The following CD2AP variants were observed in gnomAD, a reference collection of about 807,000 sequenced individuals.
CD2AP encodes the protein CD2 associated protein, also known as CD2-associated protein.
In CD2AP, 46 loss-of-function variants were observed where a neutral mutation model predicts 85.1. That is an observed-to-expected ratio of 0.54 (90% confidence interval 0.43 to 0.69). The LOEUF (loss-of-function observed/expected upper bound fraction) is 0.69. Ranked by LOEUF, CD2AP falls within the 30% of genes least tolerant of loss-of-function variation. CD2AP has a pLI of 0.00. For synonymous variants in CD2AP, 255 were observed against 252.9 expected (o/e 1.01, Z -0.08); for missense variants, 769 against 729.5 (o/e 1.05, Z -0.62).
intron 2 of CD2AP, among the ~76,000 whole-genome samples, chr6:47,523,639 CTTGAG>C (rs1766650714): frequency 6.6e-6 from 1 of 152,026 alleles, no homozygotes; most frequent in South Asian, 2.1e-4. Context: ...CATTCTGTGA[CTTGAG>C]TTATTTTAGA....
chr6:47,593,495 A>G (rs1461814813), intron 11 of CD2AP, among the ~76,000 whole-genome samples: 2 of 152,126 alleles, frequency 1.3e-5, no homozygotes, highest in African/African-American at 4.8e-5. Flanking sequence ...CTTGTTATAT[A>G]AGCACTTGAA....
intron 16 of CD2AP, among the ~76,000 whole-genome samples, chr6:47,610,081 C>T (rs1289121503): frequency 6.6e-6 from 1 of 151,936 alleles, no homozygotes; most frequent in African/African-American, 2.4e-5. Context: ...GAGAGATACC[C>T]TAGTTGAAAG....
At chr6:47,613,586 T>C (rs6918116) in intron 17 of CD2AP, among the ~76,000 whole-genome samples, 48,197 of 151,838 alleles carry the variant, frequency 0.32, 8,718 homozygotes, top group Middle Eastern at 0.52. Context: ...ACAGATGTGC[T>C]GTTATCCAGG....
At chr6:47,585,616 G>A (rs1768605967) in intron 11 of CD2AP, among the ~76,000 whole-genome samples, 1 of 152,114 alleles carries the variant, frequency 6.6e-6, no homozygotes, top group Admixed American at 6.5e-5. Flanking sequence ...GAAGGCCCGG[G>A]CAGCTACAAT....
intron 6 of CD2AP, among the ~76,000 whole-genome samples, chr6:47,575,274 G>A (rs1768275037): frequency 1.3e-5 from 2 of 152,126 alleles, no homozygotes; most frequent in Non-Finnish European, 1.5e-5. Flanking sequence ...AGGAATGTTG[G>A]ACAAGCAATT....
intron 6 of CD2AP, among the ~76,000 whole-genome samples, chr6:47,576,073 T>G (rs576853830): frequency 1.3e-5 from 2 of 152,238 alleles, no homozygotes; most frequent in African/African-American, 4.8e-5. Context: ...TTTATTGTAT[T>G]TGTTTTATTG....
At chr6:47,561,226 G>A (rs1339168338) in intron 5 of CD2AP, among the ~76,000 whole-genome samples, 1 of 152,134 alleles carries the variant, frequency 6.6e-6, no homozygotes, top group African/African-American at 2.4e-5. Flanking sequence ...ATGAAAACAT[G>A]TACAGAACAT....
rs1765342482 is a variant in CD2AP at position 47,477,894 on chromosome 6, GGAGCC to G, written c.-347_-343del. On this transcript the variant is annotated 5_prime_UTR_variant, in exon 1 of 18. Coordinates refer to ENST00000359314, the MANE Select transcript of CD2AP (RefSeq NM_012120.3). ...CGAGGCTAGGCGGGCGCTCGGGGTT[GGAGCC>G]GAGGGTCTGGGCAAACCGGTGGGTC... is the stretch of plus-strand genomic sequence containing the variant. 2.5e-6 allele frequency: 1 copy of G among 403,188 alleles called. No individual in the cohort carries two copies. The highest frequency in any genetic ancestry group is 3.1e-5 in the South Asian group (1 of 32,264). 25.0% of individuals were successfully genotyped at this position (403,188 alleles called of 1,614,324 possible). A position where few individuals can be genotyped will look rare whatever the true frequency, so the allele number is the denominator to read the frequency against.
rs562102047 is a variant in CD2AP at position 47,480,030 on chromosome 6, A to G, written c.4+1782A>G. 9.9e-5 allele frequency among the ~76,000 whole-genome samples: 15 copies of G among 152,162 alleles called. No individual in the cohort carries two copies. In the South Asian group the frequency reaches 2.5e-3, roughly 25 times the overall value. Reference sequence around the variant, plus strand: ...CCAATACTTGGACATTGGAATACCTATTTTGATTGTCCAGAGGCTTTTTCT... The same window carrying G: ...CCAATACTTGGACATTGGAATACCTGTTTTGATTGTCCAGAGGCTTTTTCT... On this transcript the variant is annotated intron_variant, in intron 1 of 17. Transcript: ENST00000359314.
chr6:47,624,061 G>A (rs1410970435), intron 17 of CD2AP, 125 bp from the exon 18 acceptor site: 2 of 782,586 alleles, frequency 2.6e-6, no homozygotes, highest in Non-Finnish European at 4.3e-6. Flanking sequence ...TGGGAAACTG[G>A]ATTTTAGGTC....
chr6:47,515,612 C>T (rs908701420), intron 2 of CD2AP, among the ~76,000 whole-genome samples: 7 of 152,118 alleles, frequency 4.6e-5, no homozygotes, highest in Non-Finnish European at 1.0e-4. Flanking sequence ...AAAAATGCAT[C>T]TATGGTATGT....
At chr6:47,527,263 G>A (rs954450391) in intron 2 of CD2AP, among the ~76,000 whole-genome samples, 1 of 152,224 alleles carries the variant, frequency 6.6e-6, no homozygotes, top group Admixed American at 6.5e-5. Context: ...CAATGAAGAA[G>A]TATACCTGTT....
intron 4 of CD2AP, among the ~76,000 whole-genome samples, chr6:47,549,475 A>T (rs1199949089): frequency 6.6e-6 from 1 of 151,550 alleles, no homozygotes; most frequent in African/African-American, 2.4e-5. Context: ...AAAAAAAAAA[A>T]AAAAATAAGA....
At chr6:47,540,669 C>G (rs1451599782) in intron 3 of CD2AP, among the ~76,000 whole-genome samples, 2 of 152,004 alleles carry the variant, frequency 1.3e-5, no homozygotes, top group Non-Finnish European at 2.9e-5. Flanking sequence ...TATAACTAGG[C>G]TGCTCAGACT....
intron 17 of CD2AP, among the ~76,000 whole-genome samples, chr6:47,622,448 CTA>C (rs35868579): frequency 0.33 from 50,834 of 151,866 alleles, 9,327 homozygotes; most frequent in Middle Eastern, 0.52. Context: ...GCTGCCCTCC[CTA>C]TGGATCCCTG....
At chr6:47,594,785 TTAAA>T (rs1057168617) in intron 11 of CD2AP, among the ~76,000 whole-genome samples, 19 of 152,032 alleles carry the variant, frequency 1.2e-4, no homozygotes, top group Admixed American at 1.2e-3. Context: ...ATTCAAAGTA[TTAAA>T]TAAGTGGTAA....
Position 47,571,858 on chromosome 6 carries a change from TC to T in CD2AP, c.542-2204del, listed in dbSNP as rs141987177. Among the ~76,000 whole-genome samples the T allele has an allele frequency of 7.9e-3, 1,200 of 152,220 alleles. 14 individuals carry two copies. Among genetic ancestry groups the T allele is most frequent in the African/African-American group, 0.027 (1,121 of 41,530 alleles). On this transcript the variant is annotated intron_variant, in intron 5 of 17. Coordinates refer to ENST00000359314, the MANE Select transcript of CD2AP (RefSeq NM_012120.3). ...AGCCTTAGAATGGAGGTTGCTCTAATCCTACCCTAAAAAAGCTTCACACTAA... is the reference window on the plus strand; with the variant it reads ...AGCCTTAGAATGGAGGTTGCTCTAATCTACCCTAAAAAAGCTTCACACTAA...
chr6:47,540,229 TA>T (rs1562022918), intron 3 of CD2AP, among the ~76,000 whole-genome samples: 1 of 151,780 alleles, frequency 6.6e-6, no homozygotes, highest in East Asian at 1.9e-4. Flanking sequence ...GTGTTTTTTT[TA>T]AAATGGACTT....
chr6:47,553,633 T>A (rs1357472000), intron 4 of CD2AP, among the ~76,000 whole-genome samples: 1 of 151,344 alleles, frequency 6.6e-6, no homozygotes, highest in Non-Finnish European at 1.5e-5. Context: ...TCCAAAGCGC[T>A]GGGATTATAG....
Sources: allele counts gnomAD v4.1 joint callset (sites outside exome capture counted in the v4.1 genomes callset), GRCh38; gene constraint gnomAD v4.1.1; transcripts MANE v1.5; gene names NCBI Gene and HGNC (gene_info 2026-07-23, HGNC 2026-07-21).